UGT1A7: variants seen among roughly 807,000 people sequenced by gnomAD.
UGT1A7 encodes the protein UDP glucuronosyltransferase family 1 member A7.
In UGT1A7, 33 loss-of-function variants were observed where a neutral mutation model predicts 45.6. The ratio of observed to expected loss-of-function variants is 0.72; its 90% CI spans 0.55 to 0.97. UGT1A7 has a LOEUF of 0.97. UGT1A7 is among the 50% of genes least tolerant of loss of function. The pLI, the probability that UGT1A7 is intolerant of heterozygous loss-of-function variation, is 0.00. For synonymous variants in UGT1A7, 274 were observed against 250.6 expected (o/e 1.09, Z -0.88); for missense variants, 684 against 666.2 (o/e 1.03, Z -0.29).
chr2:233,694,371 G>A (rs1001600534), intron 1 of UGT1A7, among the ~76,000 whole-genome samples: 3 of 151,610 alleles, frequency 2.0e-5, no homozygotes, highest in Admixed American at 2.0e-4. Context: ...GGTTTTTGTA[G>A]TTTTAAAACA....
chr2:233,762,367 A>G lies in UGT1A7; in HGVS notation c.856-4667A>G, dbSNP rs34270252. ...GTTCTTTGTACTCCAGCTATTACAT[A>G]CCAATATGTATATAGAAACATATGT... On this transcript the variant is annotated intron_variant, in intron 1 of 4. Transcript: ENST00000373426. 2.9e-4 allele frequency among the ~76,000 whole-genome samples: 44 copies of G among 152,378 alleles called. 2 individuals are homozygous for G. The East Asian group carries it at 8.1e-3, about 28-fold the overall frequency.
Position 233,761,136 on chromosome 2 carries a change from A to G in UGT1A7, c.856-5898A>G, listed in dbSNP as rs142418984. On this transcript the variant is annotated intron_variant, in intron 1 of 4. Coordinates refer to ENST00000373426, the MANE Select transcript of UGT1A7 (RefSeq NM_019077.3). ...TTGGTGGAATCAACTGCCTTCACCA[A>G]AATCCACTATCCCAGGTGTGTATTG... 13 of 1,614,222 alleles carry G rather than the reference A, an allele frequency of 8.1e-6. No individual in the cohort carries two copies. The highest frequency in any genetic ancestry group is 1.1e-5 in the Non-Finnish European group (13 of 1,180,048).
rs770564267 is a variant in UGT1A7 at position 233,772,524 on chromosome 2, C to A, written c.1558C>A (p.Arg520=). 1.2e-6 allele frequency: 2 copies of A among 1,613,956 alleles called. No individual in the cohort carries two copies. The highest frequency in any genetic ancestry group is 2.2e-5 in the East Asian group (1 of 44,874). Residue 520 remains arginine (R), a synonymous_variant, in exon 5 of 5, where the codon CGA becomes AGA. Transcript: ENST00000373426. ...GYRKCLGKKG[R]VKKAHKSKTH ...CCGGAAATGCTTGGGGAAAAAAGGG[C>A]GAGTTAAGAAAGCCCACAAATCCAA...
At chr2:233,695,433 TTC>T (rs979728696) in intron 1 of UGT1A7, among the ~76,000 whole-genome samples, 4 of 150,934 alleles carry the variant, frequency 2.7e-5, no homozygotes, top group East Asian at 1.9e-4. Flanking sequence ...CTTCTTCTTC[TTC>T]TTTTTTTTTT....
At chr2:233,693,700 C>A in intron 1 of UGT1A7, 1 of 1,614,174 alleles carries the variant, frequency 6.2e-7, no homozygotes, top group Non-Finnish European at 8.5e-7. Context: ...ATGAAGAACT[C>A]GCATCAGCTG....
At chr2:233,726,786 A>G (rs1000818718) in intron 1 of UGT1A7, among the ~76,000 whole-genome samples, 1 of 152,242 alleles carries the variant, frequency 6.6e-6, no homozygotes, top group Non-Finnish European at 1.5e-5. Context: ...TGAAACCCAC[A>G]TCTTATTCAA....
At chr2:233,719,572 A>G in intron 1 of UGT1A7, 1 of 1,613,858 alleles carries the variant, frequency 6.2e-7, no homozygotes. Flanking sequence ...CTTGTCAGCT[A>G]TGCATCCGTG....
intron 1 of UGT1A7, among the ~76,000 whole-genome samples, chr2:233,727,911 G>A (rs1410482516): frequency 1.3e-5 from 2 of 152,196 alleles, no homozygotes; most frequent in Non-Finnish European, 2.9e-5. Context: ...AGAAGACACA[G>A]GGGCAGTGAG....
chr2:233,729,879 T>C (rs2125748829), intron 1 of UGT1A7: 1 of 1,613,906 alleles, frequency 6.2e-7, no homozygotes, highest in Non-Finnish European at 8.5e-7. Context: ...TTCTCAGTCA[T>C]GCATCTGTGT....
intron 1 of UGT1A7, among the ~76,000 whole-genome samples, chr2:233,757,676 T>A (rs986940319): frequency 2.0e-5 from 3 of 151,088 alleles, no homozygotes; most frequent in African/African-American, 7.3e-5. Flanking sequence ...ATTCAAGGAA[T>A]TCAAGGGATT....
chr2:233,689,597 C>G (rs2074950775), intron 1 of UGT1A7, among the ~76,000 whole-genome samples: 1 of 152,146 alleles, frequency 6.6e-6, no homozygotes, highest in African/African-American at 2.4e-5. Flanking sequence ...GGAAGAGAAG[C>G]TTGGTTTAAA....
At position 233,769,359 on chromosome 2, in the gene UGT1A7, C is replaced by T. The variant is rs1218131588; in HGVS notation, c.1295+920C>T. 6.6e-6 allele frequency among the ~76,000 whole-genome samples: 1 copy of T among 152,174 alleles called. No individual in the cohort carries two copies. Among genetic ancestry groups the T allele is most frequent in the Non-Finnish European group, 1.5e-5 (1 of 68,040 alleles). On this transcript the variant is annotated intron_variant, in intron 4 of 4. Transcript: ENST00000373426. The surrounding 1 kb of genome is among the most constrained non-coding windows in gnomAD (Gnocchi z 4.4). ...AGAACCTTATGGGAAGAAGTGGTGG[C>T]CAGTGGTAGATTTCATCCGACAATA...
rs1257445650 is a variant in UGT1A7, at chr2:233,733,217, A to G, written c.856-33817A>G. Among the ~76,000 whole-genome samples, 5 of 152,274 alleles carry G rather than the reference A, an allele frequency of 3.3e-5. 1 individual carries two copies. The highest frequency in any genetic ancestry group is 2.0e-4 in the Admixed American group (3 of 15,300). On this transcript the variant is annotated intron_variant, in intron 1 of 4. Coordinates refer to ENST00000373426, the MANE Select transcript of UGT1A7 (RefSeq NM_019077.3). ...CTTAAGGAGACTTTGGGCTGAGACA[A>G]TGGGGTTTTCTAAATATACAATCAT...
intron 2 of UGT1A7, among the ~76,000 whole-genome samples, chr2:233,767,609 C>G (rs1559414231): frequency 6.6e-6 from 1 of 152,118 alleles, no homozygotes; most frequent in Admixed American, 6.6e-5. Flanking sequence ...TGAAAAAATC[C>G]TAAGTGCACA....
At chr2:233,730,895 C>G (rs909746979) in intron 1 of UGT1A7, among the ~76,000 whole-genome samples, 5 of 152,098 alleles carry the variant, frequency 3.3e-5, no homozygotes, top group African/African-American at 1.2e-4. Flanking sequence ...GGGATCTACT[C>G]CTTTACCAAA....
chr2:233,762,546 T>C (rs1698100771), intron 1 of UGT1A7, among the ~76,000 whole-genome samples: 1 of 152,252 alleles, frequency 6.6e-6, no homozygotes. Context: ...CCACAGTGTA[T>C]TCTGCTGGAG....
At chr2:233,739,437 C>G (rs1691099692) in intron 1 of UGT1A7, among the ~76,000 whole-genome samples, 1 of 152,212 alleles carries the variant, frequency 6.6e-6, no homozygotes, top group Non-Finnish European at 1.5e-5. Flanking sequence ...GGGCTTTACC[C>G]TGCAAAGCCA....
chr2:233,691,532 T>A, intron 1 of UGT1A7: 1 of 985,700 alleles, frequency 1.0e-6, no homozygotes, highest in Non-Finnish European at 1.2e-6. Flanking sequence ...TGACTAGCTC[T>A]GGGCAAGTCT....
At chr2:233,709,935 G>T (rs984071244) in intron 1 of UGT1A7, among the ~76,000 whole-genome samples, 8 of 152,098 alleles carry the variant, frequency 5.3e-5, no homozygotes, top group Non-Finnish European at 1.2e-4. Context: ...GGCAACCCTG[G>T]ATGGTTTCTG....
Sources: allele counts gnomAD v4.1 joint callset (sites outside exome capture counted in the v4.1 genomes callset), GRCh38; gene constraint gnomAD v4.1.1; non-coding constraint Gnocchi (gnomAD v3.1); transcripts MANE v1.5; gene names NCBI Gene and HGNC (gene_info 2026-07-23, HGNC 2026-07-21).